Variants in TLK2 observed in about 807,000 individuals in gnomAD.
TLK2 encodes serine/threonine-protein kinase tousled-like 2.
TLK2 carries 6 observed loss-of-function variants against 117.3 expected under a neutral mutation model. The ratio of observed to expected loss-of-function variants is 0.05; its 90% confidence interval spans 0.03 to 0.10. The LOEUF is 0.10. TLK2 is among the 10% of genes least tolerant of loss of function. TLK2 has a pLI of 1.00. For missense variants in TLK2, 299 were observed against 901.2 expected (o/e 0.33, Z 8.56); for synonymous variants, 257 against 316.7 (o/e 0.81, Z 2.00).
At chr17:62,527,127 C>G (rs1225093801) in intron 6 of TLK2, among the ~76,000 whole-genome samples, 2 of 152,196 alleles carry the variant, frequency 1.3e-5, no homozygotes, top group African/African-American at 2.4e-5. Context: ...ATTCCCTCTT[C>G]CAGGAACATT....
intron 6 of TLK2, among the ~76,000 whole-genome samples, chr17:62,532,233 C>T (rs1226980304): frequency 2.0e-5 from 3 of 151,386 alleles, no homozygotes; most frequent in East Asian, 1.9e-4. Context: ...AGTTTTTTTC[C>T]CCCCCCAGGG....
chr17:62,565,273 A>G, intron 11 of TLK2, 136 bp downstream of exon 11: 1 of 1,144,624 alleles, frequency 8.7e-7, no homozygotes, highest in Admixed American at 3.0e-5. Flanking sequence ...CCACATGTGG[A>G]AAGAAATGTA....
chr17:62,569,892 A>C (rs1284452506), intron 11 of TLK2, among the ~76,000 whole-genome samples: 3 of 152,184 alleles, frequency 2.0e-5, no homozygotes, highest in Admixed American at 2.0e-4. Context: ...ACACTTCAGG[A>C]GTCTGAAAGT....
At chr17:62,501,266 TAAATG>T (rs1244195694) in intron 2 of TLK2, among the ~76,000 whole-genome samples, 5 of 152,008 alleles carry the variant, frequency 3.3e-5, no homozygotes, top group African/African-American at 1.2e-4. Flanking sequence ...TATTTGTAAT[TAAATG>T]AAAATGAAAA....
At chr17:62,471,558 C>T (rs1450203813) in intron 1 of TLK2, among the ~76,000 whole-genome samples, 2 of 152,316 alleles carry the variant, frequency 1.3e-5, no homozygotes, top group East Asian at 1.9e-4. Flanking sequence ...GCTCTCCTCT[C>T]ATTCATCTGG....
intron 7 of TLK2, among the ~76,000 whole-genome samples, chr17:62,546,437 T>C (rs1202748659): frequency 6.9e-6 from 1 of 145,550 alleles, no homozygotes; most frequent in Non-Finnish European, 1.5e-5. Flanking sequence ...CCTCTGTTCT[T>C]TTCTCTAGAA....
chr17:62,490,361 C>T (rs1210660819), intron 2 of TLK2, among the ~76,000 whole-genome samples: 1 of 152,086 alleles, frequency 6.6e-6, no homozygotes, highest in African/African-American at 2.4e-5. Context: ...CTACATAAAC[C>T]TATACGTTGA....
intron 1 of TLK2, among the ~76,000 whole-genome samples, chr17:62,471,682 G>A (rs2598157): frequency 3.4e-4 from 52 of 152,104 alleles, no homozygotes; most frequent in Non-Finnish European, 5.3e-4. Flanking sequence ...GGCTCGGCCC[G>A]GCTCCTCTGC....
In TLK2 at chr17:62,606,143, G is replaced by C. The variant is rs1187350981; in HGVS notation, c.1873G>C (p.Glu625Gln). The C allele has an allele frequency of 6.5e-7, 1 of 1,537,354 alleles. No homozygotes were observed. Among genetic ancestry groups the C allele is most frequent in the Non-Finnish European group, 8.9e-7 (1 of 1,128,964 alleles). Residue 625 changes from glutamate to glutamine, a missense_variant, in exon 20 of 22, where the codon GAG becomes CAG. Glu to Gln is a conservative substitution (Grantham distance 29). Coordinates refer to ENST00000346027, the MANE Select transcript of TLK2 (RefSeq NM_006852.6). ...TTTTTGTCCCAGGTATTTACCACCA[G>C]AGTGTTTTGTGGTTGGGAAAGAACC... ...GAGTYWYLPPECFVVGKEPPK... is the reference protein window; with the variant it reads ...GAGTYWYLPPQCFVVGKEPPK...
At chr17:62,561,044 T>C (rs1196157431) in intron 10 of TLK2, among the ~76,000 whole-genome samples, 1 of 152,186 alleles carries the variant, frequency 6.6e-6, no homozygotes, top group Non-Finnish European at 1.5e-5. Flanking sequence ...GTTCTCATTG[T>C]TCAATTCCCA....
Position 62,596,623 on chromosome 17 carries a change from A to G in TLK2, c.1499A>G (p.Asp500Gly), listed in dbSNP as rs757207258. ...GAATACCGGATTCATAAAGAGCTGG[A>G]TCATCCCAGAATAGTTAAGCTGTAT... Reference protein sequence around the residue: ...CREYRIHKELDHPRIVKLYDY... With the variant: ...CREYRIHKELGHPRIVKLYDY... Residue 500 changes from aspartate (D) to glycine (G), a missense_variant, in exon 17 of 22, where the codon GAT becomes GGT. Transcript: ENST00000346027. 6.2e-7 allele frequency: 1 copy of G among 1,614,062 alleles called. No homozygotes were observed. The highest frequency in any genetic ancestry group is 8.5e-7 in the Non-Finnish European group (1 of 1,180,044).
chr17:62,512,313 C>T (rs1022531820), intron 2 of TLK2, among the ~76,000 whole-genome samples: 9 of 149,718 alleles, frequency 6.0e-5, no homozygotes, highest in African/African-American at 1.5e-4. Flanking sequence ...ACCTCTGCCC[C>T]CTGGGTTCAA....
chr17:62,540,924 C>T (rs1411138829), intron 7 of TLK2, among the ~76,000 whole-genome samples: 2 of 152,232 alleles, frequency 1.3e-5, no homozygotes, highest in African/African-American at 4.8e-5. Flanking sequence ...TCCACCCTGA[C>T]ATGTTTTACT....
At chr17:62,585,992 C>A in intron 15 of TLK2, 143 bp from the exon 16 acceptor site, 1 of 570,058 alleles carries the variant, frequency 1.8e-6, no homozygotes, top group Non-Finnish European at 3.1e-6. Flanking sequence ...CAAGAAGGTG[C>A]TTGCAACACT....
chr17:62,592,866 A>G (rs928147461), intron 16 of TLK2, among the ~76,000 whole-genome samples: 5 of 152,160 alleles, frequency 3.3e-5, no homozygotes, highest in Non-Finnish European at 7.4e-5. Context: ...GTCATGGGAG[A>G]CAGTGACAGA....
intron 19 of TLK2, 72 bp downstream of exon 19, chr17:62,602,252 A>C: frequency 6.7e-7 from 1 of 1,502,032 alleles, no homozygotes; most frequent in Non-Finnish European, 9.0e-7. Context: ...TTGATAATGA[A>C]TTAATTGCTG....
intron 2 of TLK2, among the ~76,000 whole-genome samples, chr17:62,494,429 G>C (rs2073435191): frequency 6.6e-6 from 1 of 152,058 alleles, no homozygotes; most frequent in African/African-American, 2.4e-5. Context: ...GCTGATTTTT[G>C]TATTTTCAGT....
rs2076233474 is a variant in TLK2, at chr17:62,524,273, G to A, written c.305G>A (p.Arg102Lys). Residue 102 changes from arginine (R) to lysine (K), a missense_variant, in exon 6 of 22, where the codon AGA becomes AAA. Physicochemically the swap from Arg to Lys is conservative, Grantham distance 26. Around this residue, in one of 4 missense-constraint regions of TLK2, gnomAD observed 105 missense variants for 218.4 expected, o/e 0.48. Transcript: ENST00000346027. ...AGCGCGCCAGGAACCAGCCCTGGCA[G>A]AAGTGTTCCACCAGTTGCACGATCC... ...GGSAPGTSPGRSVPPVARSSP... is the reference protein window; with the variant it reads ...GGSAPGTSPGKSVPPVARSSP... The A allele has an allele frequency of 6.2e-7, 1 of 1,613,920 alleles. No homozygotes were observed. The highest frequency in any genetic ancestry group is 8.5e-7 in the Non-Finnish European group (1 of 1,179,862).
In TLK2 at chr17:62,586,110, A is replaced by T. The variant is rs761231692; in HGVS notation, c.1369-25A>T. 40 of 1,556,430 alleles carry T rather than the reference A, an allele frequency of 2.6e-5. No homozygotes were observed. The South Asian group carries it at 4.6e-4, about 18-fold the overall frequency. The stretch of plus-strand genomic sequence containing the variant: ...CTGTAATTTTTCTTAACATTTACCC[A>T]GTATATAATTTATTCTCTTTATAGG... On this transcript the variant is annotated intron_variant, in intron 15 of 21. Coordinates refer to ENST00000346027, the MANE Select transcript of TLK2 (RefSeq NM_006852.6).
Sources: allele counts gnomAD v4.1 joint callset (sites outside exome capture counted in the v4.1 genomes callset), GRCh38; gene constraint gnomAD v4.1.1; regional missense constraint gnomAD v4.1.1; transcripts MANE v1.5; gene names NCBI Gene and HGNC (gene_info 2026-07-23, HGNC 2026-07-21).